The following PLXNA2 variants were observed in gnomAD, a reference collection of about 807,000 sequenced individuals.
PLXNA2 encodes the protein plexin A2.
In PLXNA2, 91 loss-of-function variants were observed where a neutral mutation model predicts 193.5. That is an observed-to-expected ratio of 0.47 (90% CI 0.40 to 0.56). The LOEUF is 0.56. Among genes scored for constraint, PLXNA2 ranks in the 20% least tolerant of loss-of-function variants. PLXNA2 has a pLI of 0.00. For missense variants in PLXNA2, 1,995 were observed against 2,503.2 expected (o/e 0.80, Z 4.33); for synonymous variants, 997 against 1,027.3 (o/e 0.97, Z 0.56).
At chr1:208,081,948 C>T (rs1403750503) in intron 11 of PLXNA2, among the ~76,000 whole-genome samples, 2 of 152,130 alleles carry the variant, frequency 1.3e-5, no homozygotes, top group African/African-American at 2.4e-5. Flanking sequence ...TCTTTGCTCC[C>T]GATGTGAGCT....
At chr1:208,196,084 T>A (rs2257079) in intron 3 of PLXNA2, among the ~76,000 whole-genome samples, 147,757 of 152,144 alleles carry the variant, frequency 0.97, 71,890 homozygotes, top group Middle Eastern at 1. Context: ...TATGTTGGGC[T>A]TATGACAGAA....
At chr1:208,048,615 G>A (rs1665154885) in intron 17 of PLXNA2, among the ~76,000 whole-genome samples, 2 of 152,186 alleles carry the variant, frequency 1.3e-5, no homozygotes, top group Admixed American at 6.5e-5. Context: ...TACTGTAAAT[G>A]AGTCCTGGTG....
intron 13 of PLXNA2, among the ~76,000 whole-genome samples, chr1:208,054,830 T>G (rs1273097302): frequency 6.6e-6 from 1 of 152,224 alleles, no homozygotes; most frequent in Non-Finnish European, 1.5e-5. Flanking sequence ...TCCCCATGCC[T>G]AGCGCAGTGC....
chr1:208,189,538 A>T (rs1670111313), intron 3 of PLXNA2, among the ~76,000 whole-genome samples: 1 of 151,126 alleles, frequency 6.6e-6, no homozygotes, highest in African/African-American at 2.4e-5. Flanking sequence ...CCTGGGGCTG[A>T]GGCAGAAGGA....
chr1:208,148,856 G>T (rs1375210636), intron 3 of PLXNA2, among the ~76,000 whole-genome samples: 2 of 152,238 alleles, frequency 1.3e-5, no homozygotes, highest in Non-Finnish European at 1.5e-5. Flanking sequence ...AAGCCAAAAT[G>T]CAGGAGTGGA....
intron 3 of PLXNA2, among the ~76,000 whole-genome samples, chr1:208,198,487 T>A (rs191343499): frequency 3.3e-5 from 5 of 152,312 alleles, no homozygotes; most frequent in African/African-American, 1.2e-4. Flanking sequence ...CAAACAATGA[T>A]GCCTGGAGAA....
chr1:208,085,774 A>G (rs923780158), intron 9 of PLXNA2, among the ~76,000 whole-genome samples: 32 of 152,238 alleles, frequency 2.1e-4, no homozygotes, highest in African/African-American at 7.5e-4. Flanking sequence ...GTTCTTGCAC[A>G]TAATAGTCCA....
Position 208,143,848 on chromosome 1 carries a change from G to A in PLXNA2, c.1372-1385C>T, listed in dbSNP as rs188281252. ...TGTTCTCTAATTGCTTCAGATGTGC[G>A]TAAGTCCTGTCAACATTTTGAAGGC... On this transcript the variant is annotated intron_variant, in intron 3 of 31. Coordinates refer to ENST00000367033, the MANE Select transcript of PLXNA2 (RefSeq NM_025179.4). Among the ~76,000 whole-genome samples the A allele has an allele frequency of 3.6e-3, 545 of 152,154 alleles. 1 individual carries two copies. The highest frequency in any genetic ancestry group is 6.1e-3 in the Non-Finnish European group (416 of 68,018).
intron 12 of PLXNA2, among the ~76,000 whole-genome samples, chr1:208,064,853 C>G (rs1454689425): frequency 6.6e-6 from 1 of 152,100 alleles, no homozygotes; most frequent in Non-Finnish European, 1.5e-5. Context: ...CAGGAAGCTG[C>G]AGGGTCCCAA....
At chr1:208,199,486 A>C (rs943764855) in intron 3 of PLXNA2, among the ~76,000 whole-genome samples, 11 of 152,252 alleles carry the variant, frequency 7.2e-5, no homozygotes, top group Admixed American at 7.2e-4. Context: ...AGGTCAGGAG[A>C]TCGAGACCAT....
At chr1:208,152,380 TG>T (rs1479324827) in intron 3 of PLXNA2, among the ~76,000 whole-genome samples, 1 of 152,200 alleles carries the variant, frequency 6.6e-6, no homozygotes, top group Non-Finnish European at 1.5e-5. Flanking sequence ...GCTAGTGCGC[TG>T]GGGCTGAGTC....
At position 208,244,261 on chromosome 1, in the gene PLXNA2, C is replaced by A; in HGVS notation, c.-699G>T. 5.1e-6 allele frequency: 1 copy of A among 195,112 alleles called. No individual in the cohort carries two copies. Among genetic ancestry groups the A allele is most frequent in the South Asian group, 8.1e-5 (1 of 12,362 alleles). 12.1% of individuals were successfully genotyped at this position (195,112 alleles called of 1,614,324 possible). A position where few individuals can be genotyped will look rare whatever the true frequency, so the allele number is the denominator to read the frequency against. ...CCCTCCGCCGCCCTCCCGCTCCAGT[C>A]TGGCGCGGATGCCGCTCCTCCCGGC... On this transcript the variant is annotated 5_prime_UTR_variant, in exon 1 of 32. Transcript: ENST00000367033.
chr1:208,165,613 T>A (rs1374922652), intron 3 of PLXNA2, among the ~76,000 whole-genome samples: 1 of 152,126 alleles, frequency 6.6e-6, no homozygotes, highest in Non-Finnish European at 1.5e-5. Flanking sequence ...TCTTTCAACT[T>A]CATCTGTCTC....
chr1:208,134,157 C>T (rs1236197775), intron 4 of PLXNA2, among the ~76,000 whole-genome samples: 1 of 152,168 alleles, frequency 6.6e-6, no homozygotes, highest in Non-Finnish European at 1.5e-5. Flanking sequence ...AGTTTTCTCT[C>T]TTAAATACAG....
rs114079829 is a variant in PLXNA2 at position 208,062,888 on chromosome 1, C to T, written c.2587-2051G>A. 6.5e-3 allele frequency among the ~76,000 whole-genome samples: 985 copies of T among 152,298 alleles called. 7 individuals are homozygous for T. The highest frequency in any genetic ancestry group is 0.011 in the Non-Finnish European group (736 of 68,022). On this transcript the variant is annotated intron_variant, in intron 12 of 31. Coordinates refer to ENST00000367033, the MANE Select transcript of PLXNA2 (RefSeq NM_025179.4). ...TTCCAGTCTCCCCTGGCACAGTTTC[C>T]TCAGGGACCTGGGACTCCTGGGCTC...
At position 208,031,649 on chromosome 1, in the gene PLXNA2, C is replaced by T. The variant is rs1450661085; in HGVS notation, c.5166G>A (p.Glu1722=). 1 of 1,613,974 alleles carries T rather than the reference C, an allele frequency of 6.2e-7. No homozygotes were observed. The highest frequency in any genetic ancestry group is 2.2e-5 in the East Asian group (1 of 44,874). The change falls in exon 29 of 32, where the codon GAG becomes GAA. Residue 1722 remains glutamate (E), a synonymous_variant. Coordinates refer to ENST00000367033, the MANE Select transcript of PLXNA2 (RefSeq NM_025179.4). ...AIKYMFDFLD[E]QADRHSIHDT... ...CATGGATGCTGTGCCTGTCTGCCTG[C>T]TCATCTAGGAAATCAAACATGTACT...
intron 2 of PLXNA2, among the ~76,000 whole-genome samples, chr1:208,211,007 C>T (rs1670924951): frequency 6.6e-6 from 1 of 152,214 alleles, no homozygotes; most frequent in Admixed American, 6.5e-5. Context: ...TGGAGCCAAC[C>T]ATGGGAATTC....
chr1:208,048,388 G>T (rs1445189809), intron 17 of PLXNA2, among the ~76,000 whole-genome samples: 1 of 152,152 alleles, frequency 6.6e-6, no homozygotes, highest in African/African-American at 2.4e-5. Flanking sequence ...GAAGCACAGG[G>T]CAGGGGTTCT....
chr1:208,079,465 G>GTCACA lies in PLXNA2; in HGVS notation c.2396-16_2396-15insTGTGA. ...GTAGAGATGGACTGCAAAGAGAGCA[G>GTCACA]GTGGTCACAGATGAAACCAGAAAGG... On this transcript the variant is annotated splice_polypyrimidine_tract_variant and intron_variant, in intron 11 of 31. Coordinates refer to ENST00000367033, the MANE Select transcript of PLXNA2 (RefSeq NM_025179.4). The GTCACA allele has an allele frequency of 6.5e-7, 1 of 1,549,504 alleles. No homozygotes were observed. The highest frequency in any genetic ancestry group is 8.8e-7 in the Non-Finnish European group (1 of 1,139,056).
Sources: gnomAD v4.1 joint callset for allele counts (sites outside exome capture counted in the v4.1 genomes callset) on GRCh38, gnomAD v4.1.1 for gene constraint, MANE v1.5 for transcripts, NCBI Gene and HGNC (gene_info 2026-07-23, HGNC 2026-07-21) for gene names.